PBX3: variants seen among roughly 807,000 people sequenced by gnomAD.
The protein encoded by PBX3 is PBX homeobox 3, also known as pre-B-cell leukemia transcription factor 3.
PBX3 carries 14 observed loss-of-function variants against 48.5 expected under a neutral mutation model. The observed-to-expected ratio is 0.29, with a 90% CI of 0.19 to 0.45. The LOEUF (loss-of-function observed/expected upper bound fraction) is 0.45. PBX3 is among the 20% of genes least tolerant of loss of function. The pLI, the probability that PBX3 is intolerant of heterozygous loss-of-function variation, is 1.00. For missense variants in PBX3, 386 were observed against 546.7 expected, an observed-to-expected ratio of 0.71 and a Z score of 2.93; for synonymous variants, 210 against 200.3, an observed-to-expected ratio of 1.05 and a Z score of -0.41.
chr9:125,862,501 C>T (rs1469554768), intron 2 of PBX3, among the ~76,000 whole-genome samples: 1 of 152,130 alleles, frequency 6.6e-6, no homozygotes, highest in East Asian at 1.9e-4. Flanking sequence ...ATTCTCCTGC[C>T]TCAGCCTCCT....
At chr9:125,949,898 C>T (rs1458518415) in intron 5 of PBX3, among the ~76,000 whole-genome samples, 1 of 152,162 alleles carries the variant, frequency 6.6e-6, no homozygotes, top group Non-Finnish European at 1.5e-5. Context: ...TGGGATGCGG[C>T]TGTGTTGCCT....
intron 2 of PBX3, among the ~76,000 whole-genome samples, chr9:125,912,107 T>C (rs994663331): frequency 5.3e-5 from 8 of 152,176 alleles, no homozygotes; most frequent in African/African-American, 1.9e-4. Flanking sequence ...TTCACTCAGG[T>C]CAAGCCTTCA....
chr9:125,915,603 T>C, intron 2 of PBX3, 83 bp from the exon 3 acceptor site: 1 of 1,041,012 alleles, frequency 9.6e-7, no homozygotes, highest in South Asian at 1.7e-5. Context: ...TTGATCATTT[T>C]CTCGAATAAA....
At chr9:125,917,685 G>A (rs920281115) in intron 3 of PBX3, among the ~76,000 whole-genome samples, 1 of 152,054 alleles carries the variant, frequency 6.6e-6, no homozygotes, top group Non-Finnish European at 1.5e-5. Context: ...GGATACAATG[G>A]TATTAAGCAA....
chr9:125,869,787 G>A (rs916419369), intron 2 of PBX3, among the ~76,000 whole-genome samples: 1 of 152,036 alleles, frequency 6.6e-6, no homozygotes, highest in African/African-American at 2.4e-5. Context: ...ACCCTCAGAA[G>A]GAATGTCTGA....
intron 2 of PBX3, among the ~76,000 whole-genome samples, chr9:125,871,743 GTTTTAC>G (rs745367641): frequency 1.1e-4 from 16 of 152,184 alleles, no homozygotes; most frequent in Non-Finnish European, 1.8e-4. Context: ...ATTACAATTA[GTTTTAC>G]TTTAAAAAAG....
intron 2 of PBX3, among the ~76,000 whole-genome samples, chr9:125,817,111 G>A (rs1483712385): frequency 6.6e-6 from 1 of 152,166 alleles, no homozygotes; most frequent in Non-Finnish European, 1.5e-5. Context: ...ATTATTCTGT[G>A]TTGATAACCT....
chr9:125,871,882 AG>A (rs1250179643), intron 2 of PBX3, among the ~76,000 whole-genome samples: 6 of 152,226 alleles, frequency 3.9e-5, no homozygotes, highest in Non-Finnish European at 8.8e-5. Context: ...AGGTGCTTCT[AG>A]GAAGGTGACA....
intron 2 of PBX3, among the ~76,000 whole-genome samples, chr9:125,870,165 T>C (rs1170067072): frequency 6.6e-6 from 1 of 150,942 alleles, no homozygotes; most frequent in Admixed American, 6.6e-5. Flanking sequence ...GTCTCATGGG[T>C]TCAAGGGATT....
intron 2 of PBX3, among the ~76,000 whole-genome samples, chr9:125,855,796 T>C (rs1839705328): frequency 6.6e-6 from 1 of 152,134 alleles, no homozygotes; most frequent in Non-Finnish European, 1.5e-5. Context: ...TGCAATACCT[T>C]GTTCCCCCTT....
chr9:125,921,602 A>C (rs886678654), intron 3 of PBX3, among the ~76,000 whole-genome samples: 5 of 152,174 alleles, frequency 3.3e-5, no homozygotes, highest in African/African-American at 9.7e-5. Context: ...GTAATTAGGT[A>C]AGAAGTGTTG....
chr9:125,958,435 G>T (rs1842356411), intron 5 of PBX3, among the ~76,000 whole-genome samples: 1 of 152,220 alleles, frequency 6.6e-6, no homozygotes. Flanking sequence ...TAGTAGGATG[G>T]AGAGGTCCCT....
At chr9:125,922,284 A>C (rs1256991396) in intron 3 of PBX3, among the ~76,000 whole-genome samples, 4 of 152,186 alleles carry the variant, frequency 2.6e-5, no homozygotes, top group Non-Finnish European at 5.9e-5. Context: ...CATAATAAAA[A>C]TTGATTGAAA....
intron 2 of PBX3, among the ~76,000 whole-genome samples, chr9:125,830,378 A>G (rs572188695): frequency 6.6e-6 from 1 of 152,298 alleles, no homozygotes; most frequent in Non-Finnish European, 1.5e-5. Flanking sequence ...TAACTGAAGT[A>G]TAGCATAAAA....
chr9:125,751,085 T>A (rs890038017), intron 2 of PBX3, among the ~76,000 whole-genome samples: 33 of 152,218 alleles, frequency 2.2e-4, no homozygotes, highest in African/African-American at 7.5e-4. Context: ...GTAGAATATA[T>A]GTATATTGCA....
At chr9:125,892,064 C>G (rs1272657344) in intron 2 of PBX3, among the ~76,000 whole-genome samples, 1 of 152,038 alleles carries the variant, frequency 6.6e-6, no homozygotes, top group African/African-American at 2.4e-5. Context: ...GGATTACAGG[C>G]ACTTACCACC....
intron 2 of PBX3, among the ~76,000 whole-genome samples, chr9:125,778,877 A>T (rs1230942756): frequency 7.3e-6 from 1 of 136,430 alleles, no homozygotes; most frequent in Admixed American, 7.5e-5. Flanking sequence ...CTTCTTTAAA[A>T]AATGGTTCTT....
intron 2 of PBX3, among the ~76,000 whole-genome samples, chr9:125,832,554 T>C (rs1432957339): frequency 5.3e-5 from 8 of 152,226 alleles, no homozygotes; most frequent in Non-Finnish European, 1.5e-5. Context: ...GTGCAGTTTT[T>C]TGGGAGAGGG....
intron 2 of PBX3, among the ~76,000 whole-genome samples, chr9:125,845,438 T>C (rs1296750179): frequency 6.6e-6 from 1 of 152,126 alleles, no homozygotes; most frequent in African/African-American, 2.4e-5. Context: ...AGCAACTCTG[T>C]ACTGTTGTAA....
Sources: gnomAD v4.1 joint callset for allele counts (sites outside exome capture counted in the v4.1 genomes callset) on GRCh38, gnomAD v4.1.1 for gene constraint, MANE v1.5 for transcripts, NCBI Gene and HGNC (gene_info 2026-07-23, HGNC 2026-07-21) for gene names.